The following FAM124A variants were observed in gnomAD, a reference collection of about 807,000 sequenced individuals.
FAM124A encodes the protein protein FAM124A.
Under a neutral mutation model 24.5 loss-of-function variants are expected in FAM124A, and 23 were observed. That is an observed-to-expected ratio of 0.94 (90% CI 0.68 to 1.33). FAM124A has a LOEUF of 1.33. Among genes scored for constraint, FAM124A ranks in the 40% most tolerant of loss-of-function variants. The pLI, the probability that FAM124A is intolerant of heterozygous loss-of-function variation, is 0.00. For missense variants in FAM124A, 623 were observed against 722.8 expected (o/e 0.86, Z 1.58); for synonymous variants, 287 against 314.7 (o/e 0.91, Z 0.93).
chr13:51,270,944 T>G (rs1489028466), intron 3 of FAM124A, among the ~76,000 whole-genome samples: 9 of 152,214 alleles, frequency 5.9e-5, no homozygotes, highest in Non-Finnish European at 1.3e-4. Flanking sequence ...GTGGAACTGA[T>G]GAGGATTCAA....
rs751044314 is a variant in FAM124A, at chr13:51,251,599, C to T, written c.232C>T (p.Leu78=). The stretch of plus-strand genomic sequence containing the variant: ...GGCGTGGATCCACCCCGACCTCCCG[C>T]TGTTCCGGGTGTCCGAGAGGCGGGC... ...VLAWIHPDLP[L]FRVSERRASR... Residue 78 remains leucine, a synonymous_variant, in exon 3 of 4, where the codon CTG becomes TTG. Coordinates refer to ENST00000322475, the MANE Select transcript of FAM124A (RefSeq NM_001242312.2). This position sits in a 1 kb window ranked among gnomAD's most constrained non-coding sequence, Gnocchi z 5.3. The T allele has an allele frequency of 1.9e-6, 3 of 1,570,786 alleles. No homozygotes were observed. The highest frequency in any genetic ancestry group is 2.3e-5 in the East Asian group (1 of 44,338).
intron 2 of FAM124A, among the ~76,000 whole-genome samples, chr13:51,231,905 C>T (rs1042845568): frequency 1.3e-5 from 2 of 152,136 alleles, no homozygotes; most frequent in African/African-American, 4.8e-5. Context: ...AGCTAAATTC[C>T]CTAATTATAA....
rs748572384 is a variant in FAM124A at position 51,281,098 on chromosome 13, C to T, written c.1483C>T (p.Arg495Cys). Reference sequence around the variant, plus strand: ...GTCTTCCAGCTCCTCAGCGACAGCTCGTGCTGCTCCCCCAGCTCCCAGCAC... The same window carrying T: ...GTCTTCCAGCTCCTCAGCGACAGCTTGTGCTGCTCCCCCAGCTCCCAGCAC... ...KRSSSSSATA[R>C]AAPPAPSTST... Residue 495 changes from arginine to cysteine, a missense_variant, in exon 4 of 4, where the codon CGT becomes TGT. Coordinates refer to ENST00000322475, the MANE Select transcript of FAM124A (RefSeq NM_001242312.2). 105 of 1,613,980 alleles carry T rather than the reference C, an allele frequency of 6.5e-5. No homozygotes were observed. The highest frequency in any genetic ancestry group is 5.5e-4 in the Admixed American group (33 of 59,986).
chr13:51,259,421 G>A (rs935353692), intron 3 of FAM124A, among the ~76,000 whole-genome samples: 4 of 151,870 alleles, frequency 2.6e-5, no homozygotes, highest in Admixed American at 6.6e-5. Flanking sequence ...TCATCTGCCC[G>A]TGACCCTGTG....
At chr13:51,263,706 T>C (rs567414698) in intron 3 of FAM124A, among the ~76,000 whole-genome samples, 26 of 152,318 alleles carry the variant, frequency 1.7e-4, no homozygotes, top group Admixed American at 1.4e-3. Context: ...CCCATTTAGT[T>C]TGGGTTTTTA....
At chr13:51,278,775 G>A (rs746986324) in intron 3 of FAM124A, among the ~76,000 whole-genome samples, 3 of 152,196 alleles carry the variant, frequency 2.0e-5, no homozygotes, top group African/African-American at 7.2e-5. Flanking sequence ...GTAGATTTCT[G>A]TTAAACAAGC....
At chr13:51,265,426 C>T (rs569635094) in intron 3 of FAM124A, among the ~76,000 whole-genome samples, 85 of 152,088 alleles carry the variant, frequency 5.6e-4, no homozygotes, top group Middle Eastern at 3.4e-3. Context: ...AGCCAGCTGA[C>T]TGGGGACAGC....
intron 3 of FAM124A, among the ~76,000 whole-genome samples, chr13:51,276,165 G>T (rs1003960880): frequency 6.6e-6 from 1 of 152,190 alleles, no homozygotes; most frequent in African/African-American, 2.4e-5. Context: ...CAAGGAGCTT[G>T]TTCAGGTTTG....
intron 2 of FAM124A, among the ~76,000 whole-genome samples, chr13:51,239,082 A>C (rs1954465261): frequency 6.6e-6 from 1 of 152,178 alleles, no homozygotes; most frequent in Non-Finnish European, 1.5e-5. Context: ...TGAAAAGCTG[A>C]AGTGGTACTT....
chr13:51,259,539 A>C (rs559447873), intron 3 of FAM124A, among the ~76,000 whole-genome samples: 8 of 151,754 alleles, frequency 5.3e-5, no homozygotes, highest in African/African-American at 1.9e-4. Flanking sequence ...TCACCCCCGC[A>C]GGTCTCCCCT....
Position 51,258,839 on chromosome 13 carries a change from G to A in FAM124A, c.834+6638G>A, listed in dbSNP as rs1472636975. 1.3e-5 allele frequency among the ~76,000 whole-genome samples: 2 copies of A among 152,224 alleles called. No individual in the cohort carries two copies. The highest frequency in any genetic ancestry group is 2.4e-5 in the African/African-American group (1 of 41,464). On this transcript the variant is annotated intron_variant, in intron 3 of 3. Transcript: ENST00000322475. This position sits in a 1 kb window ranked among gnomAD's most constrained non-coding sequence, Gnocchi z 4.2. ...GAATGGCAACCGTTACCACACACAGGTGGATGGGTTCACGTGGCCGGGGTA... is the reference window on the plus strand; with the variant it reads ...GAATGGCAACCGTTACCACACACAGATGGATGGGTTCACGTGGCCGGGGTA...
chr13:51,282,453 T>A lies in FAM124A; in HGVS notation c.*1197T>A, dbSNP rs1320969342. 6.6e-6 allele frequency: 1 copy of A among 152,236 alleles called. No individual in the cohort carries two copies. Among genetic ancestry groups the A allele is most frequent in the Non-Finnish European group, 1.5e-5 (1 of 68,042 alleles). 9.4% of individuals were successfully genotyped at this position (152,236 alleles called of 1,614,324 possible). A position where few individuals can be genotyped will look rare whatever the true frequency, so the allele number is the denominator to read the frequency against. On this transcript the variant is annotated 3_prime_UTR_variant, in exon 4 of 4. Transcript: ENST00000322475. ...CTACTGTCACACCGTGAATGGTATT[T>A]GAATCTCACCTCCCTCTCACCTCAG...
rs1954952193 is a variant in FAM124A, at chr13:51,282,794, C to G, written c.*1538C>G. On this transcript the variant is annotated 3_prime_UTR_variant, in exon 4 of 4. Transcript: ENST00000322475. The stretch of plus-strand genomic sequence containing the variant: ...GTAATGACAGCCTTAGGCCTTGCCC[C>G]AAGCATTCTGGACTCTCTAACACTC... 6.6e-6 allele frequency: 1 copy of G among 152,188 alleles called. No individual in the cohort carries two copies. Among genetic ancestry groups the G allele is most frequent in the South Asian group, 2.1e-4 (1 of 4,836 alleles). The allele number at this position is 152,188 out of a possible 1,614,324, so 9.4% of individuals were successfully genotyped here.
intron 3 of FAM124A, among the ~76,000 whole-genome samples, chr13:51,274,908 C>T (rs893247536): frequency 6.6e-6 from 1 of 152,124 alleles, no homozygotes; most frequent in Non-Finnish European, 1.5e-5. Context: ...ATCAATATCT[C>T]CTATTTGTTG....
intron 1 of FAM124A, 30 bp downstream of exon 1, chr13:51,222,599 G>C: frequency 9.8e-6 from 12 of 1,218,824 alleles, no homozygotes; most frequent in Non-Finnish European, 1.2e-5. Context: ...GCCGCGGGCG[G>C]GGGGCGCTCT....
chr13:51,271,254 T>C (rs1287199102), intron 3 of FAM124A, among the ~76,000 whole-genome samples: 1 of 152,208 alleles, frequency 6.6e-6, no homozygotes, highest in Non-Finnish European at 1.5e-5. Flanking sequence ...CTGCACATTA[T>C]ACAGGGCACA....
At chr13:51,252,426 A>G in intron 3 of FAM124A, 2 of 609,402 alleles carry the variant, frequency 3.3e-6, no homozygotes, top group Non-Finnish European at 2.8e-6. Context: ...TTCAGCAAAC[A>G]TGTTCCCAAT....
At chr13:51,246,402 G>T (rs561840119) in intron 2 of FAM124A, among the ~76,000 whole-genome samples, 2 of 125,198 alleles carry the variant, frequency 1.6e-5, no homozygotes, top group African/African-American at 5.7e-5. Flanking sequence ...TTTCTCGTGG[G>T]GTGGGGGGGG....
chr13:51,270,554 G>C (rs1954831029), intron 3 of FAM124A, among the ~76,000 whole-genome samples: 2 of 152,206 alleles, frequency 1.3e-5, no homozygotes, highest in Admixed American at 6.5e-5. Flanking sequence ...TTCTTGACCT[G>C]TTCTTGGCAT....
Sources: gnomAD v4.1 joint callset for allele counts (sites outside exome capture counted in the v4.1 genomes callset) on GRCh38, gnomAD v4.1.1 for gene constraint, Gnocchi (gnomAD v3.1) non-coding constraint, MANE v1.5 for transcripts, NCBI Gene and HGNC (gene_info 2026-07-23, HGNC 2026-07-21) for gene names.